NBPF12: variants seen among roughly 807,000 people sequenced by gnomAD.
The protein encoded by NBPF12 is NBPF family member NBPF12.
NBPF12 carries 115 observed loss-of-function variants against 146.4 expected under a neutral mutation model. That is an observed-to-expected ratio of 0.79 (90% CI 0.68 to 0.92). NBPF12 has a LOEUF of 0.92. NBPF12 is among the 40% of genes least tolerant of loss of function. The pLI, the probability that NBPF12 is intolerant of heterozygous loss-of-function variation, is 0.00. For missense variants in NBPF12, 1,205 were observed against 1,326.8 expected (o/e 0.91, Z 1.43); for synonymous variants, 385 against 508.9 (o/e 0.76, Z 3.28).
chr1:146,964,823 C>G (rs1656086913), intron 7 of NBPF12, 70 bp from the exon 11 acceptor site: 14 of 1,596,098 alleles, frequency 8.8e-6, no homozygotes, highest in African/African-American at 1.4e-5. Flanking sequence ...TCAAAACCAG[C>G]TAGGACTCCC....
chr1:146,968,198 G>A (rs1446779049), intron 9 of NBPF12, among the ~76,000 whole-genome samples: 559 of 148,590 alleles, frequency 3.8e-3, no homozygotes, highest in African/African-American at 0.014. Context: ...ACTCCACTTC[G>A]TTGTGGTTGA....
At chr1:146,994,854 C>T (rs1215630466) in exon 34 of NBPF12, 3 of 573,124 alleles carry the variant, frequency 5.2e-6, no homozygotes, top group African/African-American at 1.9e-5. Context: ...TGGGTAGCTA[C>T]AAAATTCCTC....
In NBPF12 at chr1:146,970,068, C is replaced by G. The variant is rs1299902838; in HGVS notation, c.1306+472C>G. On this transcript the variant is annotated intron_variant, in intron 11 of 33. Coordinates refer to ENST00000617844, the Ensembl canonical transcript of NBPF12. Reference sequence around the variant, plus strand: ...AAGCATCCAAATATGGGAACACTTACGAATGCTTTTCAAAATGAGATGAAG... The same window carrying G: ...AAGCATCCAAATATGGGAACACTTAGGAATGCTTTTCAAAATGAGATGAAG... Among the ~76,000 whole-genome samples, 176 of 149,412 alleles carry G rather than the reference C, an allele frequency of 1.2e-3. 3 individuals are homozygous for G. The highest frequency in any genetic ancestry group is 2.5e-4 in the Non-Finnish European group (17 of 67,770).
intron 13 of NBPF12, among the ~76,000 whole-genome samples, chr1:146,971,744 G>T (rs1370540084): frequency 6.6e-6 from 1 of 150,736 alleles, no homozygotes; most frequent in Non-Finnish European, 1.5e-5. Context: ...CTCCTCTCAG[G>T]CTAGACTCTC....
chr1:146,961,602 G>C (rs1655854119), intron 4 of NBPF12, among the ~76,000 whole-genome samples: 1 of 150,606 alleles, frequency 6.6e-6, no homozygotes, highest in Non-Finnish European at 1.5e-5. Flanking sequence ...TAAAGTATTT[G>C]GGCATATTTC....
rs1487996744 is a variant in NBPF12, at chr1:146,939,113, C to CGGGCTCCGCA, written c.-822+141_-822+150dup. On this transcript the variant is annotated intron_variant, in intron 1 of 35. Transcript: ENST00000617931. ...GCGGGGCGGTTGCGCCGGGCACTGC[C>CGGGCTCCGCA]GGGCTCCGCAGGGCTCCGCCGGGGC... 5 of 152,274 alleles carry CGGGCTCCGCA rather than the reference C, an allele frequency of 3.3e-5. No individual in the cohort carries two copies. In the East Asian group the frequency reaches 7.8e-4, roughly 24 times the overall value. The allele number at this position is 152,274 out of a possible 1,614,324, so 9.4% of individuals were successfully genotyped here.
At chr1:146,980,778 G>T (rs1165738446) in intron 19 of NBPF12, among the ~76,000 whole-genome samples, 2 of 145,256 alleles carry the variant, frequency 1.4e-5, no homozygotes, top group Non-Finnish European at 3.0e-5. Flanking sequence ...TCCCATTACT[G>T]GGTGTATACC....
chr1:146,992,530 T>G (rs1658265086), intron 31 of NBPF12, among the ~76,000 whole-genome samples, 182 bp from the exon 35 acceptor site: 2 of 137,288 alleles, frequency 1.5e-5, no homozygotes, highest in African/African-American at 2.7e-5. Context: ...GTCTTTCTCT[T>G]TCATTCTTTT....
chr1:146,992,419 A>C (rs1180397445), intron 31 of NBPF12, among the ~76,000 whole-genome samples: 2 of 137,384 alleles, frequency 1.5e-5, no homozygotes, highest in Non-Finnish European at 3.1e-5. Context: ...TCACCTGGAC[A>C]ATTCACTGAG....
At chr1:146,944,337 A>G (rs1421090538), upstream of NBPF12, among the ~76,000 whole-genome samples, 2 of 143,550 alleles carry the variant, frequency 1.4e-5, no homozygotes, top group African/African-American at 5.0e-5. Flanking sequence ...GGGAGAAAGA[A>G]AGGGGCATGG....
chr1:146,972,944 G>A, exon 14 of NBPF12: 1 of 926,414 alleles, frequency 1.1e-6, no homozygotes, highest in East Asian at 2.4e-5. Context: ...TCCTGGCCAA[G>A]CAGCAGAACA....
intron 33 of NBPF12, 94 bp from the exon 37 acceptor site, chr1:146,994,238 C>A (rs75674396): frequency 2.5e-6 from 4 of 1,602,668 alleles, no homozygotes; most frequent in Admixed American, 3.4e-5. Context: ...TTTTTCTTTT[C>A]TAACCACTTC....
intron 18 of NBPF12, among the ~76,000 whole-genome samples, chr1:146,978,214 C>G (rs1657169598): frequency 2.0e-5 from 3 of 149,450 alleles, no homozygotes; most frequent in Non-Finnish European, 3.0e-5. Context: ...GGTTCTCCAC[C>G]CTGTCAATGC....
At chr1:146,992,510 G>C (rs1386498861) in intron 31 of NBPF12, among the ~76,000 whole-genome samples, 3 of 122,626 alleles carry the variant, frequency 2.4e-5, no homozygotes, top group Admixed American at 8.5e-5. Flanking sequence ...GTGTGTGTGT[G>C]TGTCTATCTG....
intron 5 of NBPF12, 95 bp downstream of exon 8, chr1:146,962,358 A>G (rs1231276408): frequency 1.9e-6 from 2 of 1,037,754 alleles, no homozygotes; most frequent in East Asian, 2.4e-5. Context: ...AAGCTGGGCC[A>G]GGGAAAGGGC....
intron 33 of NBPF12, 40 bp from the exon 37 acceptor site, chr1:146,994,291 AC>A: frequency 6.2e-7 from 1 of 1,610,846 alleles, no homozygotes; most frequent in Admixed American, 1.7e-5. Context: ...GTGGTGTCTG[AC>A]TTTCCCTGGC....
upstream of NBPF12, among the ~76,000 whole-genome samples, chr1:146,946,512 C>CTTTTT (rs3071268): frequency 2.4e-5 from 1 of 40,998 alleles, no homozygotes; most frequent in Non-Finnish European, 4.2e-5. Flanking sequence ...GATCTTTCAC[C>CTTTTT]TTTTTTTTTT....
chr1:146,963,596 C>T (rs1231672142), intron 6 of NBPF12, among the ~76,000 whole-genome samples: 5 of 151,852 alleles, frequency 3.3e-5, no homozygotes, highest in South Asian at 2.1e-4. Context: ...GATGGGAGGG[C>T]GCTTGTTGGA....
Position 146,940,526 on chromosome 1 carries a change from G to A in NBPF12, c.-822+1544G>A. Among the ~76,000 whole-genome samples the A allele has an allele frequency of 2.0e-5, 3 of 149,512 alleles. No homozygotes were observed. In the East Asian group the frequency reaches 6.0e-4, roughly 30 times the overall value. On this transcript the variant is annotated intron_variant, in intron 1 of 35. Transcript: ENST00000617931. ...AGCAGTGATCGTGCCAGTGCACTCT[G>A]GCCTGGATGGCAGAGTGCAACCCTG...
Sources: gnomAD v4.1 joint callset for allele counts (sites outside exome capture counted in the v4.1 genomes callset) on GRCh38, gnomAD v4.1.1 for gene constraint, MANE v1.5 for transcripts, NCBI Gene and HGNC (gene_info 2026-07-23, HGNC 2026-07-21) for gene names.